Variants in RBFOX1 observed in about 807,000 individuals in gnomAD.
The protein encoded by RBFOX1 is RNA binding fox-1 homolog 1.
RBFOX1 carries 8 observed loss-of-function variants against 57.7 expected under a neutral mutation model. That is an observed-to-expected ratio of 0.14 (90% CI 0.08 to 0.25). The LOEUF is 0.25. RBFOX1 is among the 10% of genes least tolerant of loss of function. The probability of loss-of-function intolerance (pLI) is 1.00; values close to 1 mark genes in which losing one functional copy is unlikely to be tolerated. For synonymous variants in RBFOX1, 326 were observed against 222.4 expected (o/e 1.47, Z -4.15); for missense variants, 611 against 548.5 (o/e 1.11, Z -1.14).
intron 2 of RBFOX1, among the ~76,000 whole-genome samples, chr16:6,392,798 A>G (rs17140117): frequency 0.025 from 3,857 of 152,330 alleles, 164 homozygotes; most frequent in African/African-American, 0.087. Context: ...AATTGACAAG[A>G]AAATTGGATA....
rs577564670 is a variant in RBFOX1, at chr16:5,319,905, G to C, written c.219+79800G>C. ...TGTATCCACCCAGCAGAGAGGGAAGGAGAGAGTGCAGAAGGTTTTCATGGG... is the reference window on the plus strand; with the variant it reads ...TGTATCCACCCAGCAGAGAGGGAAGCAGAGAGTGCAGAAGGTTTTCATGGG... On this transcript the variant is annotated intron_variant, in intron 1 of 2. Transcript: ENST00000585867. Among the ~76,000 whole-genome samples, 3 of 152,304 alleles carry C rather than the reference G, an allele frequency of 2.0e-5. No individual in the cohort carries two copies. In the East Asian group the frequency reaches 5.8e-4, roughly 29 times the overall value.
intron 11 of RBFOX1, among the ~76,000 whole-genome samples, chr16:7,648,488 G>A (rs991254245): frequency 3.9e-4 from 59 of 152,312 alleles, no homozygotes; most frequent in African/African-American, 1.2e-3. Flanking sequence ...CTCCCAAAGT[G>A]TTGGGATTAC....
intron 1 of RBFOX1, among the ~76,000 whole-genome samples, chr16:6,293,159 C>T (rs1009050194): frequency 6.6e-6 from 1 of 151,926 alleles, no homozygotes; most frequent in Non-Finnish European, 1.5e-5. Context: ...TTCATAGTAC[C>T]CTATTAAGTG....
chr16:5,278,310 A>G lies in RBFOX1; in HGVS notation c.219+38205A>G, dbSNP rs117962952. On this transcript the variant is annotated intron_variant, in intron 1 of 2. Transcript: ENST00000585867. ...GTGATTTGTGTATCTTCTTCTGAGT[A>G]ATGTCTATTTTTTGATAGTTTCTTT... 1.3e-4 allele frequency among the ~76,000 whole-genome samples: 20 copies of G among 152,264 alleles called. No homozygotes were observed. In the East Asian group the frequency reaches 3.5e-3, roughly 26 times the overall value.
chr16:6,797,264 T>C (rs566960569), intron 3 of RBFOX1, among the ~76,000 whole-genome samples: 1 of 152,306 alleles, frequency 6.6e-6, no homozygotes, highest in South Asian at 2.1e-4. Flanking sequence ...CCCATAACGC[T>C]GTCCTTAGGA....
chr16:7,483,972 T>C (rs1272881339), intron 4 of RBFOX1, among the ~76,000 whole-genome samples: 1 of 152,234 alleles, frequency 6.6e-6, no homozygotes, highest in East Asian at 1.9e-4. Context: ...GACCTTAAGT[T>C]TCCTTACGCT....
At chr16:6,961,356 G>A (rs527732144) in intron 3 of RBFOX1, among the ~76,000 whole-genome samples, 10 of 152,110 alleles carry the variant, frequency 6.6e-5, no homozygotes, top group Non-Finnish European at 8.8e-5. Context: ...ACTCCAGACC[G>A]TGTTCAAACT....
chr16:6,762,792 A>G (rs2076805052), intron 3 of RBFOX1, among the ~76,000 whole-genome samples: 1 of 152,180 alleles, frequency 6.6e-6, no homozygotes, highest in Non-Finnish European at 1.5e-5. Flanking sequence ...AAGACAGGCA[A>G]GGAAACAGGC....
intron 3 of RBFOX1, among the ~76,000 whole-genome samples, chr16:6,835,653 C>G (rs762841552): frequency 6.8e-6 from 1 of 146,128 alleles, no homozygotes; most frequent in Non-Finnish European, 1.5e-5. Context: ...CTGGGAGAGG[C>G]TGAGGCATGA....
At chr16:7,178,524 G>A (rs1045476121) in intron 4 of RBFOX1, among the ~76,000 whole-genome samples, 1 of 152,172 alleles carries the variant, frequency 6.6e-6, no homozygotes, top group Non-Finnish European at 1.5e-5. Flanking sequence ...ACTAAACAAT[G>A]TGATGTGTGC....
intron 4 of RBFOX1, among the ~76,000 whole-genome samples, chr16:7,489,450 C>G (rs4787033): frequency 6.6e-6 from 1 of 151,896 alleles, no homozygotes; most frequent in Non-Finnish European, 1.5e-5. Context: ...TATGTTGTAG[C>G]TTCTTTTGCT....
chr16:6,980,260 G>A (rs191421917), intron 3 of RBFOX1, among the ~76,000 whole-genome samples: 8 of 152,278 alleles, frequency 5.3e-5, no homozygotes, highest in Admixed American at 6.5e-5. Flanking sequence ...CAAATGTGCT[G>A]TGTCAGGTGT....
At chr16:6,732,387 C>T (rs2068853306) in intron 3 of RBFOX1, among the ~76,000 whole-genome samples, 1 of 152,196 alleles carries the variant, frequency 6.6e-6, no homozygotes, top group Non-Finnish European at 1.5e-5. Flanking sequence ...GAATCAGCTT[C>T]CCCAAGGCAG....
rs1006407755 is a variant in RBFOX1 at position 6,431,011 on chromosome 16, A to T, written c.-64+113954A>T. ...AAATTAGCCAGGTGTGTTGCTGTGC[A>T]CCTGTAGTCCCAGCTACTTGGGAGG... On this transcript the variant is annotated intron_variant, in intron 2 of 15. Coordinates refer to ENST00000550418, the MANE Select transcript of RBFOX1 (RefSeq NM_018723.4). 5.3e-5 allele frequency among the ~76,000 whole-genome samples: 8 copies of T among 150,032 alleles called. No individual in the cohort carries two copies. In the East Asian group the frequency reaches 1.4e-3, roughly 26 times the overall value.
chr16:5,682,291 G>C (rs2050365705), intron 3 of RBFOX1, among the ~76,000 whole-genome samples: 1 of 152,160 alleles, frequency 6.6e-6, no homozygotes, highest in Non-Finnish European at 1.5e-5. Context: ...TCCCCTTTGT[G>C]GTGGGGTGGG....
chr16:6,592,567 A>T (rs1327538686), intron 2 of RBFOX1, among the ~76,000 whole-genome samples: 1 of 152,230 alleles, frequency 6.6e-6, no homozygotes, highest in Non-Finnish European at 1.5e-5. Context: ...ACAGGAGTCC[A>T]TATGCTGGCT....
At chr16:7,568,425 G>C (rs575474576) in intron 5 of RBFOX1, among the ~76,000 whole-genome samples, 31 of 152,196 alleles carry the variant, frequency 2.0e-4, no homozygotes, top group African/African-American at 7.2e-4. Context: ...CTCTTAGCAG[G>C]CTAATGCATT....
chr16:7,487,495 A>G (rs1002082462), intron 4 of RBFOX1, among the ~76,000 whole-genome samples: 2 of 152,190 alleles, frequency 1.3e-5, no homozygotes, highest in Non-Finnish European at 2.9e-5. Context: ...AGCACTAAAT[A>G]TTAGTTGAGT....
intron 1 of RBFOX1, among the ~76,000 whole-genome samples, chr16:5,374,239 G>A (rs951879825): frequency 1.3e-5 from 2 of 152,176 alleles, no homozygotes; most frequent in East Asian, 1.9e-4. Flanking sequence ...CACCTGGCTC[G>A]TCAGTTTCAG....
Sources: allele counts gnomAD v4.1 joint callset (sites outside exome capture counted in the v4.1 genomes callset), GRCh38; gene constraint gnomAD v4.1.1; transcripts MANE v1.5; gene names NCBI Gene and HGNC (gene_info 2026-07-23, HGNC 2026-07-21).